Variants in CFDP1 observed in about 807,000 individuals in gnomAD.
The protein encoded by CFDP1 is chromatin remodeling protein CFDP1.
Under a neutral mutation model 40.1 loss-of-function variants are expected in CFDP1, and 31 were observed. That is an observed-to-expected ratio of 0.77 (90% CI 0.58 to 1.04). The LOEUF (loss-of-function observed/expected upper bound fraction) is 1.04, where lower values mean the gene tolerates loss of function less well. CFDP1 is among the 50% of genes least tolerant of loss of function. CFDP1 has a pLI of 0.00. For missense variants in CFDP1, 423 were observed against 343.4 expected (o/e 1.23, Z -1.83); for synonymous variants, 167 against 120.0 (o/e 1.39, Z -2.56).
chr16:75,317,087 T>C (rs564034807), intron 5 of CFDP1, among the ~76,000 whole-genome samples: 1 of 152,232 alleles, frequency 6.6e-6, no homozygotes, highest in African/African-American at 2.4e-5. Flanking sequence ...AAGTCCTAGA[T>C]TGGACAGGCA....
Position 75,395,104 on chromosome 16 carries a change from G to A in CFDP1, c.636C>T (p.Leu212=). ...QANVPSALPS[L]PAGSGLKRSS... ...CAAATACTCACCCTGACCCGGCAGG[G>A]AGTGATGGCAGAGCTGAAGGAACAT... Residue 212 remains leucine (L), a synonymous_variant, in exon 5 of 7, where the codon CTC becomes CTT. Transcript: ENST00000283882. 1 of 1,613,900 alleles carries A rather than the reference G, an allele frequency of 6.2e-7. No individual in the cohort carries two copies. The highest frequency in any genetic ancestry group is 8.5e-7 in the Non-Finnish European group (1 of 1,179,856).
intron 5 of CFDP1, among the ~76,000 whole-genome samples, chr16:75,346,087 C>A (rs2078561675): frequency 6.6e-6 from 1 of 152,226 alleles, no homozygotes; most frequent in South Asian, 2.1e-4. Context: ...CCCAATGCAT[C>A]TCCCATGAGC....
chr16:75,385,896 C>G (rs1318145625), intron 5 of CFDP1, among the ~76,000 whole-genome samples: 1 of 152,150 alleles, frequency 6.6e-6, no homozygotes, highest in African/African-American at 2.4e-5. Context: ...ACTAAGTAAA[C>G]TGTATGACTA....
chr16:75,295,126 C>T (rs2078173519), intron 6 of CFDP1, among the ~76,000 whole-genome samples: 1 of 152,218 alleles, frequency 6.6e-6, no homozygotes, highest in Non-Finnish European at 1.5e-5. Context: ...AAAGTCATTA[C>T]ATTTATAGTG....
Position 75,323,360 on chromosome 16 carries a change from G to A in CFDP1, c.651-18178C>T, listed in dbSNP as rs183482879. Among the ~76,000 whole-genome samples, 10 of 151,484 alleles carry A rather than the reference G, an allele frequency of 6.6e-5. No individual in the cohort carries two copies. In the East Asian group the frequency reaches 1.9e-3, roughly 29 times the overall value. On this transcript the variant is annotated intron_variant, in intron 5 of 6. Transcript: ENST00000283882. Reference sequence around the variant, plus strand: ...CTTCAAGAGCAACGTGTCTGGAGCTGCCATCTCCTATGACAACAATGCTTT... The same window carrying A: ...CTTCAAGAGCAACGTGTCTGGAGCTACCATCTCCTATGACAACAATGCTTT...
chr16:75,408,889 G>A (rs913810581), intron 4 of CFDP1, among the ~76,000 whole-genome samples: 2 of 151,822 alleles, frequency 1.3e-5, no homozygotes, highest in African/African-American at 4.8e-5. Flanking sequence ...ACAGAGTCTC[G>A]CTCTGTTGCC....
Position 75,313,261 on chromosome 16 carries a change from G to A in CFDP1, c.651-8079C>T, listed in dbSNP as rs147192195. On this transcript the variant is annotated intron_variant, in intron 5 of 6. Transcript: ENST00000283882. ...GTAAAACATCTGTGGTGCTTGGTTCGTGCATATAATGCAGAGAGAAATGCT... is the reference window on the plus strand; with the variant it reads ...GTAAAACATCTGTGGTGCTTGGTTCATGCATATAATGCAGAGAGAAATGCT... Among the ~76,000 whole-genome samples, 869 of 152,302 alleles carry A rather than the reference G, an allele frequency of 5.7e-3. 6 individuals are homozygous for A. The highest frequency in any genetic ancestry group is 0.019 in the African/African-American group (808 of 41,568).
At chr16:75,308,730 G>A (rs961549498) in intron 5 of CFDP1, among the ~76,000 whole-genome samples, 8 of 152,312 alleles carry the variant, frequency 5.3e-5, no homozygotes, top group African/African-American at 1.7e-4. Context: ...AATTTGGGCA[G>A]CACCACAAGC....
intron 5 of CFDP1, among the ~76,000 whole-genome samples, chr16:75,334,255 G>A (rs892769126): frequency 3.3e-5 from 5 of 151,386 alleles, no homozygotes; most frequent in Non-Finnish European, 5.9e-5. Flanking sequence ...CTAAGCAAAC[G>A]TTTGCTTCTT....
intron 5 of CFDP1, among the ~76,000 whole-genome samples, chr16:75,316,837 C>T (rs946761874): frequency 4.0e-5 from 6 of 151,874 alleles, no homozygotes; most frequent in Non-Finnish European, 5.9e-5. Flanking sequence ...GGCGTGGAGG[C>T]GCATGCCTGT....
chr16:75,314,440 T>C (rs940636347), intron 5 of CFDP1, among the ~76,000 whole-genome samples: 2 of 151,896 alleles, frequency 1.3e-5, no homozygotes, highest in African/African-American at 2.4e-5. Context: ...AGACAGAAAG[T>C]AGATTAAGGG....
intron 5 of CFDP1, among the ~76,000 whole-genome samples, chr16:75,349,045 C>T (rs561919400): frequency 8.6e-5 from 13 of 151,814 alleles, no homozygotes; most frequent in African/African-American, 2.2e-4. Flanking sequence ...TTTTTTTGTT[C>T]GTTTTCTGGT....
intron 5 of CFDP1, among the ~76,000 whole-genome samples, chr16:75,312,800 T>G (rs1164894933): frequency 6.6e-6 from 1 of 152,220 alleles, no homozygotes; most frequent in Non-Finnish European, 1.5e-5. Context: ...GCTCTTCCTA[T>G]ATAAGACACC....
At chr16:75,299,853 G>A (rs2078210142) in intron 6 of CFDP1, among the ~76,000 whole-genome samples, 1 of 152,136 alleles carries the variant, frequency 6.6e-6, no homozygotes, top group Non-Finnish European at 1.5e-5. Context: ...TGTGACTGAG[G>A]GTTCCTTGGG....
intron 5 of CFDP1, among the ~76,000 whole-genome samples, chr16:75,366,048 A>G (rs555126273): frequency 3.9e-5 from 6 of 152,348 alleles, no homozygotes; most frequent in African/African-American, 1.4e-4. Context: ...ATCCTAGAAA[A>G]TGAAAACATG....
intron 5 of CFDP1, among the ~76,000 whole-genome samples, chr16:75,365,584 G>T (rs2078707869): frequency 6.6e-6 from 1 of 152,180 alleles, no homozygotes; most frequent in Non-Finnish European, 1.5e-5. Context: ...AGGCATAGTA[G>T]CCAGTGCTTG....
Position 75,412,422 on chromosome 16 carries a change from T to C in CFDP1, c.402+113A>G, listed in dbSNP as rs538342875. 2,029 of 821,624 alleles carry C rather than the reference T, an allele frequency of 2.5e-3. 4 individuals carry two copies. The highest frequency in any genetic ancestry group is 3.6e-3 in the Non-Finnish European group (1,764 of 492,598). The allele number at this position is 821,624 out of a possible 1,614,324, so 50.9% of individuals were successfully genotyped here. On this transcript the variant is annotated intron_variant, in intron 3 of 6. Coordinates refer to ENST00000283882, the MANE Select transcript of CFDP1 (RefSeq NM_006324.3). ...CCTACCACAGGAAATGCTTTGCTTT[T>C]CACTTAGTACAATTGTTATCAAAAG... is the stretch of plus-strand genomic sequence containing the variant.
chr16:75,328,684 A>T (rs1005687289), intron 5 of CFDP1, among the ~76,000 whole-genome samples: 5 of 143,448 alleles, frequency 3.5e-5, no homozygotes, highest in South Asian at 2.2e-4. Flanking sequence ...AATAAGCATA[A>T]TTTTTTTTTT....
chr16:75,351,036 T>C (rs2078606926), intron 5 of CFDP1, among the ~76,000 whole-genome samples: 1 of 152,076 alleles, frequency 6.6e-6, no homozygotes, highest in South Asian at 2.1e-4. Flanking sequence ...AACAAGCCAA[T>C]TTAAACCATT....
Sources: allele counts gnomAD v4.1 joint callset (sites outside exome capture counted in the v4.1 genomes callset), GRCh38; gene constraint gnomAD v4.1.1; transcripts MANE v1.5; gene names NCBI Gene and HGNC (gene_info 2026-07-23, HGNC 2026-07-21).